CBX5: variants seen among roughly 807,000 people sequenced by gnomAD.
The protein encoded by CBX5 is chromobox protein homolog 5.
A neutral mutation model predicts 20.7 loss-of-function variants in CBX5; 7 were observed. The observed-to-expected ratio is 0.34, with a 90% CI of 0.19 to 0.63. The LOEUF (loss-of-function observed/expected upper bound fraction) is 0.63. Ranked by LOEUF, CBX5 falls within the 30% of genes least tolerant of loss-of-function variation. The probability of loss-of-function intolerance (pLI) is 0.75; values close to 1 mark genes in which losing one functional copy is unlikely to be tolerated. For synonymous variants in CBX5, 78 were observed against 77.0 expected (o/e 1.01, Z -0.07); for missense variants, 110 against 224.1 (o/e 0.49, Z 3.25).
At chr12:54,256,715 G>A (rs559301745) in intron 2 of CBX5, among the ~76,000 whole-genome samples, 11 of 152,090 alleles carry the variant, frequency 7.2e-5, no homozygotes, top group African/African-American at 2.7e-4. Flanking sequence ...GATTAACGCT[G>A]AAATAGTATT....
chr12:54,279,610 T>C (rs1291195006), intron 1 of CBX5, among the ~76,000 whole-genome samples: 2 of 152,150 alleles, frequency 1.3e-5, no homozygotes, highest in Admixed American at 1.3e-4. Flanking sequence ...TCCATCCGTT[T>C]AACCGCCCGA....
At position 54,241,740 on chromosome 12, in the gene CBX5, A is replaced by T. The variant is rs761346011; in HGVS notation, c.*15T>A. The T allele has an allele frequency of 6.2e-7, 1 of 1,605,826 alleles. No individual in the cohort carries two copies. Among genetic ancestry groups the T allele is most frequent in the South Asian group, 1.1e-5 (1 of 89,592 alleles). ...TATTATGTACAAAGAGAAATGACAG[A>T]GACCATCCCCTCCTTTAGCTCTTTG... On this transcript the variant is annotated 3_prime_UTR_variant, in exon 5 of 5. Coordinates refer to ENST00000209875, the MANE Select transcript of CBX5 (RefSeq NM_012117.3).
intron 1 of CBX5, chr12:54,259,459 A>C (rs1229907571): frequency 6.6e-6 from 1 of 152,656 alleles, no homozygotes; most frequent in Non-Finnish European, 1.5e-5. Context: ...TTCATGCAGA[A>C]GAGGAGCCCC....
intron 1 of CBX5, among the ~76,000 whole-genome samples, chr12:54,275,919 G>C (rs561272261): frequency 2.9e-4 from 44 of 150,290 alleles, no homozygotes; most frequent in Non-Finnish European, 5.9e-4. Context: ...GAACCTGGGA[G>C]GCGGAGGTTG....
chr12:54,262,111 G>A (rs903079197), intron 1 of CBX5, among the ~76,000 whole-genome samples: 2 of 152,208 alleles, frequency 1.3e-5, no homozygotes, highest in African/African-American at 4.8e-5. Flanking sequence ...GGGTAGGTAC[G>A]TTCTCTCTCA....
chr12:54,261,294 TTC>T (rs1245109817), intron 1 of CBX5, among the ~76,000 whole-genome samples: 2 of 151,838 alleles, frequency 1.3e-5, no homozygotes, highest in Non-Finnish European at 2.9e-5. Flanking sequence ...AGAAATTTTT[TTC>T]TTTTTTCTTT....
At chr12:54,246,551 G>A (rs1374170437) in intron 3 of CBX5, among the ~76,000 whole-genome samples, 3 of 152,042 alleles carry the variant, frequency 2.0e-5, no homozygotes, top group Non-Finnish European at 4.4e-5. Flanking sequence ...GGAGGCCAAG[G>A]CAGGCGAATC....
At chr12:54,278,760 A>G (rs1029014023) in intron 1 of CBX5, 1 of 152,250 alleles carries the variant, frequency 6.6e-6, no homozygotes, top group African/African-American at 2.4e-5. Flanking sequence ...GTGATGGATG[A>G]ATCTTCTGTC....
intron 4 of CBX5, among the ~76,000 whole-genome samples, chr12:54,242,117 G>T (rs1179142705): frequency 2.6e-5 from 4 of 152,138 alleles, no homozygotes; most frequent in African/African-American, 7.2e-5. Context: ...TCTGTAGCTA[G>T]AATTTAGATG....
At chr12:54,263,122 A>G (rs921201976) in intron 1 of CBX5, among the ~76,000 whole-genome samples, 22 of 152,194 alleles carry the variant, frequency 1.4e-4, no homozygotes, top group Non-Finnish European at 2.9e-4. Flanking sequence ...GCACTTTGGT[A>G]GGCCGAGGCG....
chr12:54,246,174 T>C lies in CBX5; in HGVS notation c.366A>G (p.Glu122=). The C allele has an allele frequency of 6.2e-7, 1 of 1,613,814 alleles. No individual in the cohort carries two copies. The highest frequency in any genetic ancestry group is 8.5e-7 in the Non-Finnish European group (1 of 1,179,724). ...CTGTTGCCCCAATGATCTTTTCTGG[T>C]TCCAGTCCTCTCTCAAAGCCCCGAG... ...DIARGFERGL[E]PEKIIGATDS... The change falls in exon 4 of 5, where the codon GAA becomes GAG. Residue 122 remains glutamate (E), a synonymous_variant. Coordinates refer to ENST00000209875, the MANE Select transcript of CBX5 (RefSeq NM_012117.3).
rs1429066071 is a variant in CBX5 at position 54,240,869 on chromosome 12, A to G, written c.*886T>C. 1 of 152,192 alleles carries G rather than the reference A, an allele frequency of 6.6e-6. No homozygotes were observed. Among genetic ancestry groups the G allele is most frequent in the Non-Finnish European group, 1.5e-5 (1 of 68,042 alleles). 9.4% of individuals were successfully genotyped at this position (152,192 alleles called of 1,614,324 possible). On this transcript the variant is annotated 3_prime_UTR_variant, in exon 5 of 5. Coordinates refer to ENST00000209875, the MANE Select transcript of CBX5 (RefSeq NM_012117.3). ...AAGCAAGCACCAGGCAATCACTCAC[A>G]CCTACATAAATATACAGTCTAAATA... is the stretch of plus-strand genomic sequence containing the variant.
intron 4 of CBX5, among the ~76,000 whole-genome samples, chr12:54,242,868 T>C (rs1943692726): frequency 6.6e-6 from 1 of 152,214 alleles, no homozygotes; most frequent in Non-Finnish European, 1.5e-5. Flanking sequence ...CTCATGCCTG[T>C]AATCCCAGCA....
intron 1 of CBX5, among the ~76,000 whole-genome samples, chr12:54,275,414 TG>T (rs1369567062): frequency 6.6e-6 from 1 of 151,968 alleles, no homozygotes; most frequent in Non-Finnish European, 1.5e-5. Flanking sequence ...GCTAATTTTT[TG>T]TATTTTTAGC....
chr12:54,257,787 G>A lies in CBX5; in HGVS notation c.-42-95C>T, dbSNP rs1943876922. On this transcript the variant is annotated intron_variant, in intron 1 of 4. Transcript: ENST00000209875. ...GATGAAAAGGGGATAACACTGAGTT[G>A]CCATGTGCCCTGCTCTTGAGTCTCA... The A allele has an allele frequency of 6.1e-6, 5 of 825,264 alleles. No individual in the cohort carries two copies. In the Admixed American group the frequency reaches 7.5e-5, roughly 12 times the overall value. 51.1% of individuals were successfully genotyped at this position (825,264 alleles called of 1,614,324 possible).
intron 4 of CBX5, among the ~76,000 whole-genome samples, chr12:54,244,898 G>A (rs1216843488): frequency 2.6e-5 from 4 of 152,058 alleles, no homozygotes; most frequent in Admixed American, 1.3e-4. Context: ...CTCAGTGATG[G>A]CAGAAAGCCT....
At position 54,238,448 on chromosome 12, in the gene CBX5, A is replaced by C. The variant is rs1943644909; in HGVS notation, c.*3307T>G. On this transcript the variant is annotated 3_prime_UTR_variant, in exon 5 of 5. Coordinates refer to ENST00000209875, the MANE Select transcript of CBX5 (RefSeq NM_012117.3). ...ACTAAAAAAGTAGAAGACACTGTTA[A>C]ATTTGAATCTGGATCCTATATAGCT... The C allele has an allele frequency of 6.6e-6, 1 of 152,250 alleles. No homozygotes were observed. The highest frequency in any genetic ancestry group is 2.4e-5 in the African/African-American group (1 of 41,474). The allele number at this position is 152,250 out of a possible 1,614,324, so 9.4% of individuals were successfully genotyped here.
At chr12:54,250,940 G>A (rs1943794056) in intron 3 of CBX5, among the ~76,000 whole-genome samples, 2 of 149,794 alleles carry the variant, frequency 1.3e-5, no homozygotes, top group African/African-American at 4.9e-5. Context: ...GACCAGCCCG[G>A]CCAACATGGT....
chr12:54,244,692 C>T (rs961569279), intron 4 of CBX5, among the ~76,000 whole-genome samples: 4 of 151,920 alleles, frequency 2.6e-5, no homozygotes, highest in African/African-American at 7.3e-5. Flanking sequence ...GAGCCAAGAT[C>T]GCGCCACTGC....
Sources: allele counts gnomAD v4.1 joint callset (sites outside exome capture counted in the v4.1 genomes callset), GRCh38; gene constraint gnomAD v4.1.1; transcripts MANE v1.5; gene names NCBI Gene and HGNC (gene_info 2026-07-23, HGNC 2026-07-21).